The following STXBP4 variants were observed in gnomAD, a reference collection of about 807,000 sequenced individuals.
The protein encoded by STXBP4 is syntaxin-binding protein 4.
In STXBP4, 55 loss-of-function variants were observed where a neutral mutation model predicts 76.1. That is an observed-to-expected ratio of 0.72 (90% CI 0.58 to 0.91). The LOEUF (loss-of-function observed/expected upper bound fraction) is 0.91. Among genes scored for constraint, STXBP4 ranks in the 40% least tolerant of loss-of-function variants. STXBP4 has a pLI of 0.00. For missense variants in STXBP4, 618 were observed against 636.9 expected, an observed-to-expected ratio of 0.97 and a Z score of 0.32; for synonymous variants, 201 against 220.2, an observed-to-expected ratio of 0.91 and a Z score of 0.77.
chr17:55,164,348 A>C lies in STXBP4; in HGVS notation c.*4437A>C, dbSNP rs1158772898. The C allele has an allele frequency of 6.7e-6, 1 of 150,186 alleles. No homozygotes were observed. The highest frequency in any genetic ancestry group is 2.4e-5 in the African/African-American group (1 of 40,976). 9.3% of individuals were successfully genotyped at this position (150,186 alleles called of 1,614,324 possible). A position where few individuals can be genotyped will look rare whatever the true frequency, so the allele number is the denominator to read the frequency against. ...TACTTTTGGGGGTTGGACTGTTCTG[A>C]GGGAAAGGGCGATCAGATCAATAGT... On this transcript the variant is annotated 3_prime_UTR_variant, in exon 18 of 18. Coordinates refer to ENST00000376352, the MANE Select transcript of STXBP4 (RefSeq NM_178509.6).
intron 16 of STXBP4, among the ~76,000 whole-genome samples, chr17:55,082,315 G>A (rs1250715802): frequency 6.6e-6 from 1 of 152,142 alleles, no homozygotes; most frequent in Non-Finnish European, 1.5e-5. Flanking sequence ...CCAAATGATT[G>A]TCCAAAATGG....
chr17:55,185,189 T>TTTCTTC, the STXBP4 span, among the ~76,000 whole-genome samples: 164 of 87,750 alleles, frequency 1.9e-3, 6 homozygotes, highest in South Asian at 2.7e-3. Context: ...TCTTCTTCTT[T>TTTCTTC]TTCTTCTTCT....
chr17:55,049,961 G>A lies in STXBP4; in HGVS notation c.1011+2807G>A, dbSNP rs559660109. ...CTCAAAACTATATAAATTGTTTCAG[G>A]GTATAAAAAATGAAAGAAATTTTCC... On this transcript the variant is annotated intron_variant, in intron 12 of 17. Transcript: ENST00000376352. Among the ~76,000 whole-genome samples the A allele has an allele frequency of 2.9e-4, 44 of 151,858 alleles. 1 individual carries two copies. Among genetic ancestry groups the A allele is most frequent in the Middle Eastern group, 6.8e-3 (2 of 294 alleles).
intron 10 of STXBP4, among the ~76,000 whole-genome samples, chr17:55,041,404 G>C (rs1263464386): frequency 2.0e-5 from 3 of 151,894 alleles, no homozygotes; most frequent in African/African-American, 7.3e-5. Context: ...TTTTTGTAGA[G>C]ACATGGTCTC....
At chr17:55,004,714 A>AGAAGGAGGAGGAGGGG (rs573712147) in intron 7 of STXBP4, among the ~76,000 whole-genome samples, 1 of 148,946 alleles carries the variant, frequency 6.7e-6, no homozygotes, top group African/African-American at 2.5e-5. Flanking sequence ...TAAAGAAAGG[A>AGAAGGAGGAGGAGGGG]GAAGGAGGAG....
chr17:55,178,124 G>A (rs2080437773), downstream of STXBP4, among the ~76,000 whole-genome samples: 1 of 152,202 alleles, frequency 6.6e-6, no homozygotes, highest in South Asian at 2.1e-4. Context: ...GATATATCAT[G>A]TTAGAGGAAT....
At chr17:55,047,450 G>T (rs1256920896) in intron 12 of STXBP4, among the ~76,000 whole-genome samples, 1 of 150,542 alleles carries the variant, frequency 6.6e-6, no homozygotes, top group African/African-American at 2.4e-5. Context: ...CTTCTCCATT[G>T]TTTTTTCTTT....
chr17:55,114,267 T>G (rs1357550325), intron 16 of STXBP4, among the ~76,000 whole-genome samples: 1 of 152,088 alleles, frequency 6.6e-6, no homozygotes, highest in Non-Finnish European at 1.5e-5. Flanking sequence ...TGAACTAATA[T>G]GAGAAACTGA....
chr17:55,065,833 G>A (rs2079045101), intron 12 of STXBP4, among the ~76,000 whole-genome samples: 1 of 152,132 alleles, frequency 6.6e-6, no homozygotes, highest in Non-Finnish European at 1.5e-5. Context: ...TTTCTTTGAT[G>A]CTTAGAAGCA....
At chr17:55,023,189 T>C (rs1045837257) in intron 8 of STXBP4, among the ~76,000 whole-genome samples, 2 of 152,206 alleles carry the variant, frequency 1.3e-5, no homozygotes, top group Non-Finnish European at 2.9e-5. Flanking sequence ...ATCTATGTAA[T>C]CCTTGAACAG....
chr17:55,126,125 G>C (rs1380790632), intron 16 of STXBP4, among the ~76,000 whole-genome samples: 1 of 152,148 alleles, frequency 6.6e-6, no homozygotes, highest in African/African-American at 2.4e-5. Context: ...ACATGCTTCA[G>C]AGTAGTGTAA....
chr17:55,096,772 T>C (rs941413805), intron 16 of STXBP4, among the ~76,000 whole-genome samples: 3 of 152,186 alleles, frequency 2.0e-5, no homozygotes, highest in African/African-American at 7.2e-5. Context: ...TAATAATAAA[T>C]GTTCCTAGGT....
chr17:55,078,799 G>A (rs2079220528), intron 15 of STXBP4, 64 bp downstream of exon 15: 1 of 914,530 alleles, frequency 1.1e-6, no homozygotes, highest in African/African-American at 1.6e-5. Flanking sequence ...TCTGGTCATT[G>A]TGACTCAAAT....
At chr17:55,203,503 A>C in the STXBP4 span, among the ~76,000 whole-genome samples, 6 of 152,138 alleles carry the variant, frequency 3.9e-5, no homozygotes, top group African/African-American at 1.4e-4. Flanking sequence ...ATTGTTTCTC[A>C]AACTTCAGAA....
At position 55,000,790 on chromosome 17, in the gene STXBP4, C is replaced by G. The variant is rs776462636; in HGVS notation, c.499-18C>G. ...ACTTTAGTAAATGACATTGCATGTTCCTCATTTTCTTTCACAGATAAAAAC... is the reference window on the plus strand; with the variant it reads ...ACTTTAGTAAATGACATTGCATGTTGCTCATTTTCTTTCACAGATAAAAAC... On this transcript the variant is annotated intron_variant, in intron 6 of 17. Transcript: ENST00000376352. 1 of 1,537,676 alleles carries G rather than the reference C, an allele frequency of 6.5e-7. No homozygotes were observed. The highest frequency in any genetic ancestry group is 9.0e-7 in the Non-Finnish European group (1 of 1,111,728).
intron 17 of STXBP4, among the ~76,000 whole-genome samples, chr17:55,148,019 A>G (rs1428991541): frequency 6.6e-6 from 1 of 152,194 alleles, no homozygotes; most frequent in Non-Finnish European, 1.5e-5. Flanking sequence ...TTAGGTTGGA[A>G]TAACAAAATA....
chr17:54,991,319 C>T (rs551873647), intron 4 of STXBP4: 7 of 153,478 alleles, frequency 4.6e-5, no homozygotes, highest in Non-Finnish European at 8.7e-5. Context: ...TAATTACATT[C>T]ATTTAGCCTC....
intron 16 of STXBP4, among the ~76,000 whole-genome samples, chr17:55,103,704 A>C (rs1181628493): frequency 6.6e-6 from 1 of 152,070 alleles, no homozygotes; most frequent in Admixed American, 6.6e-5. Context: ...ATAGCATTGA[A>C]TCTATAAGTT....
chr17:55,020,634 A>G (rs1239675477), intron 8 of STXBP4, among the ~76,000 whole-genome samples: 1 of 152,118 alleles, frequency 6.6e-6, no homozygotes, highest in East Asian at 1.9e-4. Context: ...GCTGGCCAAC[A>G]TGGTGAAGCA....
Sources: allele counts gnomAD v4.1 joint callset (sites outside exome capture counted in the v4.1 genomes callset), GRCh38; gene constraint gnomAD v4.1.1; transcripts MANE v1.5; gene names NCBI Gene and HGNC (gene_info 2026-07-23, HGNC 2026-07-21).